The following NR3C1 variants were observed in gnomAD, a reference collection of about 807,000 sequenced individuals.
NR3C1 encodes the protein nuclear receptor subfamily 3 group C member 1.
NR3C1 carries 14 observed loss-of-function variants against 74.0 expected under a neutral mutation model. The observed-to-expected ratio is 0.19, with a 90% CI of 0.12 to 0.30. The LOEUF is 0.30. Ranked by LOEUF, NR3C1 falls within the 10% of genes least tolerant of loss-of-function variation. NR3C1 has a pLI of 1.00. For missense variants in NR3C1, 695 were observed against 909.8 expected (o/e 0.76, Z 3.04); for synonymous variants, 308 against 332.5 (o/e 0.93, Z 0.80).
chr5:143,322,427 T>C (rs543909586), intron 2 of NR3C1, among the ~76,000 whole-genome samples: 2 of 152,314 alleles, frequency 1.3e-5, no homozygotes, highest in South Asian at 2.1e-4. Context: ...CTTGATGACA[T>C]AATGCAAAAA....
At chr5:143,339,971 T>C (rs1475618391) in intron 2 of NR3C1, among the ~76,000 whole-genome samples, 1 of 152,136 alleles carries the variant, frequency 6.6e-6, no homozygotes, top group Non-Finnish European at 1.5e-5. Context: ...AAGAGAAAGA[T>C]AATGAAGACA....
At chr5:143,310,249 G>C in intron 3 of NR3C1, 36 bp from the exon 4 acceptor site, 3 of 1,403,510 alleles carry the variant, frequency 2.1e-6, no homozygotes, top group Middle Eastern at 2.0e-4. Context: ...AAGTTTCACA[G>C]GTCTTCAAAC....
chr5:143,343,899 T>C (rs964341030), intron 2 of NR3C1, among the ~76,000 whole-genome samples: 5 of 152,224 alleles, frequency 3.3e-5, no homozygotes, highest in African/African-American at 4.8e-5. Flanking sequence ...ACCAGCATCA[T>C]AGATAAATGA....
chr5:143,370,368 G>A (rs1345373981), intron 2 of NR3C1, among the ~76,000 whole-genome samples: 2 of 152,148 alleles, frequency 1.3e-5, no homozygotes, highest in African/African-American at 4.8e-5. Flanking sequence ...TTTAGGACCT[G>A]AAAAATGTTA....
At chr5:143,347,532 T>C (rs1346005607) in intron 2 of NR3C1, among the ~76,000 whole-genome samples, 4 of 152,230 alleles carry the variant, frequency 2.6e-5, no homozygotes, top group Non-Finnish European at 5.9e-5. Context: ...TTCAAAGGGA[T>C]AGAGAGTGAC....
chr5:143,332,492 C>T, intron 2 of NR3C1: 1 of 574,974 alleles, frequency 1.7e-6, no homozygotes, highest in Non-Finnish European at 3.0e-6. Flanking sequence ...TACAGCAAAC[C>T]ACCATGGCCA....
intron 1 of NR3C1, among the ~76,000 whole-genome samples, chr5:143,430,941 T>C (rs2151964067): frequency 6.6e-6 from 1 of 152,256 alleles, no homozygotes; most frequent in East Asian, 1.9e-4. Context: ...AGTCCCACAT[T>C]ATAAGTAATT....
intron 7 of NR3C1, chr5:143,294,861 T>C (rs1283664301): frequency 2.3e-6 from 2 of 866,916 alleles, no homozygotes; most frequent in Non-Finnish European, 2.8e-6. Flanking sequence ...CATCTGGATG[T>C]ATCATAGTTT....
chr5:143,407,719 A>G (rs187735039), upstream of NR3C1, among the ~76,000 whole-genome samples: 123 of 152,344 alleles, frequency 8.1e-4, no homozygotes, highest in Admixed American at 1.7e-3. Flanking sequence ...AGAAACTGAT[A>G]TATTACCCAA....
In NR3C1 at chr5:143,279,280, C is replaced by T; in HGVS notation, c.*2609G>A. ...ATAGTTGTCGATGAGCATCAGTTGA[C>T]TTATTATTGACAACGAAGTGCACAT... On this transcript the variant is annotated 3_prime_UTR_variant, in exon 9 of 9. Coordinates refer to ENST00000394464, the MANE Select transcript of NR3C1 (RefSeq NM_000176.3). 1 of 1,470,628 alleles carries T rather than the reference C, an allele frequency of 6.8e-7. No individual in the cohort carries two copies. Among genetic ancestry groups the T allele is most frequent in the Non-Finnish European group, 9.2e-7 (1 of 1,092,044 alleles). The allele number at this position is 1,470,628 out of a possible 1,614,324, so 91.1% of individuals were successfully genotyped here. A position where few individuals can be genotyped will look rare whatever the true frequency, so the allele number is the denominator to read the frequency against.
At chr5:143,335,660 T>C (rs1826988797) in intron 2 of NR3C1, among the ~76,000 whole-genome samples, 1 of 152,250 alleles carries the variant, frequency 6.6e-6, no homozygotes, top group Non-Finnish European at 1.5e-5. Context: ...TTTTTATGTG[T>C]GGTACTATTC....
At chr5:143,420,727 C>T (rs35612073) in intron 1 of NR3C1, among the ~76,000 whole-genome samples, 27,585 of 151,988 alleles carry the variant, frequency 0.18, 2,693 homozygotes, top group Middle Eastern at 0.35. Context: ...AATTACCCGG[C>T]CCAAAATGTC....
intron 1 of NR3C1, among the ~76,000 whole-genome samples, chr5:143,433,452 T>TTA (rs70995004): frequency 0.095 from 11,291 of 119,410 alleles, 1,578 homozygotes; most frequent in African/African-American, 0.3. Flanking sequence ...TTTATTTAAA[T>TTA]TATATATATA....
At chr5:143,311,191 C>G (rs1455829661) in intron 3 of NR3C1, among the ~76,000 whole-genome samples, 2 of 152,070 alleles carry the variant, frequency 1.3e-5, no homozygotes, top group Non-Finnish European at 2.9e-5. Context: ...CAATTCTATC[C>G]CCTATAAATC....
At chr5:143,412,442 G>T (rs1841325832) in intron 1 of NR3C1, among the ~76,000 whole-genome samples, 2 of 151,928 alleles carry the variant, frequency 1.3e-5, no homozygotes, top group South Asian at 4.2e-4. Context: ...CTCACATTTG[G>T]CAATTTTAAT....
intron 2 of NR3C1, among the ~76,000 whole-genome samples, chr5:143,315,333 T>A (rs1013987726): frequency 6.6e-6 from 1 of 152,160 alleles, no homozygotes; most frequent in African/African-American, 2.4e-5. Flanking sequence ...TAAAATGATT[T>A]TGTAGCCTTC....
rs537394818 is a variant in NR3C1 at position 143,330,052 on chromosome 5, A to G, written c.1185-15884T>C. On this transcript the variant is annotated intron_variant, in intron 2 of 8. Coordinates refer to ENST00000394464, the MANE Select transcript of NR3C1 (RefSeq NM_000176.3). ...CTATCGTGTAGTTTCACTTTTGAAA[A>G]TTTAACAATAGAATATAAGTTTTGT... 3.5e-4 allele frequency among the ~76,000 whole-genome samples: 53 copies of G among 152,334 alleles called. No individual in the cohort carries two copies. The South Asian group carries it at 5.0e-3, about 14-fold the overall frequency.
At chr5:143,370,568 T>C (rs1306183374) in intron 2 of NR3C1, among the ~76,000 whole-genome samples, 1 of 152,224 alleles carries the variant, frequency 6.6e-6, no homozygotes, top group Non-Finnish European at 1.5e-5. Context: ...GAAGCCAACA[T>C]ATTAAGGGCA....
At chr5:143,415,489 T>C (rs1485636864) in intron 1 of NR3C1, among the ~76,000 whole-genome samples, 2 of 152,152 alleles carry the variant, frequency 1.3e-5, no homozygotes, top group Non-Finnish European at 2.9e-5. Context: ...TCAAATCCTT[T>C]TTGTCTATAC....
Sources: gnomAD v4.1 joint callset for allele counts (sites outside exome capture counted in the v4.1 genomes callset) on GRCh38, gnomAD v4.1.1 for gene constraint, MANE v1.5 for transcripts, NCBI Gene and HGNC (gene_info 2026-07-23, HGNC 2026-07-21) for gene names.